Variants in CFAP47 observed in about 807,000 individuals in gnomAD.
CFAP47 encodes the protein cilia and flagella associated protein 47.
A neutral mutation model predicts 148.1 loss-of-function variants in CFAP47; 29 were observed. That is an observed-to-expected ratio of 0.20 (90% CI 0.15 to 0.27). CFAP47 has a LOEUF of 0.27. Among genes scored for constraint, CFAP47 ranks in the 10% least tolerant of loss-of-function variants. The pLI is 1.00. For synonymous variants in CFAP47, 664 were observed against 577.3 expected, an observed-to-expected ratio of 1.15 and a Z score of -2.15; for missense variants, 1,872 against 1,697.5, an observed-to-expected ratio of 1.10 and a Z score of -1.81.
At chrX:36,073,430 T>G in intron 29 of CFAP47, 66 bp downstream of exon 29, 1 of 707,011 alleles carries the variant, frequency 1.4e-6, no homozygotes, top group Non-Finnish European at 2.1e-6. Flanking sequence ...ATCTATTGAT[T>G]GAGATTATTT....
intron 22 of CFAP47, among the ~76,000 whole-genome samples, chrX:36,019,608 C>A (rs1322111589): frequency 9.0e-6 from 1 of 111,665 alleles, no homozygotes; most frequent in Non-Finnish European, 1.9e-5. Flanking sequence ...CTATAACTAT[C>A]TTTAATATTT....
intron 45 of CFAP47, among the ~76,000 whole-genome samples, chrX:36,226,734 T>A (rs974191244): frequency 9.0e-6 from 1 of 111,304 alleles, no homozygotes; most frequent in African/African-American, 3.2e-5. Flanking sequence ...GCTTTAACTT[T>A]CAGACTCAGC....
At chrX:35,985,847 C>A in intron 15 of CFAP47, 1 of 244,819 alleles carries the variant, frequency 4.1e-6, no homozygotes, top group Admixed American at 4.1e-5. Flanking sequence ...CCATGCCAAA[C>A]CCTCGGGGCT....
intron 21 of CFAP47, among the ~76,000 whole-genome samples, chrX:36,008,461 C>T (rs1430842648): frequency 9.1e-6 from 1 of 110,333 alleles, no homozygotes; most frequent in Non-Finnish European, 1.9e-5. Context: ...TCTAGAGGGT[C>T]CTTATCTGTT....
intron 39 of CFAP47, among the ~76,000 whole-genome samples, chrX:36,167,121 C>T (rs73472847): frequency 0.024 from 2,689 of 111,961 alleles, 76 homozygotes; most frequent in African/African-American, 0.081. Flanking sequence ...AGCAAACTAA[C>T]AGGCCTGTAG....
chrX:36,303,148 A>G (rs1056265678), intron 53 of CFAP47, among the ~76,000 whole-genome samples: 8 of 111,554 alleles, frequency 7.2e-5, no homozygotes, highest in Admixed American at 3.8e-4. Context: ...CCTGTAAGGG[A>G]TAATTCCTTG....
chrX:35,991,090 TTATG>T (rs2086833242), intron 16 of CFAP47, among the ~76,000 whole-genome samples: 1 of 111,656 alleles, frequency 9.0e-6, no homozygotes, highest in South Asian at 3.7e-4. Flanking sequence ...CTGGCGAATG[TTATG>T]TAATCATTGT....
At chrX:36,096,594 T>C (rs998601076) in intron 30 of CFAP47, among the ~76,000 whole-genome samples, 1 of 111,409 alleles carries the variant, frequency 9.0e-6, no homozygotes, top group Admixed American at 9.6e-5. Flanking sequence ...CATTATATAA[T>C]GACCTTCTTT....
At chrX:36,107,657 T>C (rs1237678718) in intron 33 of CFAP47, among the ~76,000 whole-genome samples, 1 of 112,056 alleles carries the variant, frequency 8.9e-6, no homozygotes. Context: ...TAAACAGTGT[T>C]CTATACAGAC....
intron 37 of CFAP47, among the ~76,000 whole-genome samples, chrX:36,154,344 A>G (rs1293312623): frequency 2.7e-5 from 3 of 111,999 alleles, no homozygotes; most frequent in Non-Finnish European, 3.8e-5. Flanking sequence ...CACAAACACC[A>G]TTTAGCCAAG....
At chrX:36,158,788 C>A (rs1939397415) in intron 37 of CFAP47, among the ~76,000 whole-genome samples, 1 of 111,331 alleles carries the variant, frequency 9.0e-6, no homozygotes, top group Non-Finnish European at 1.9e-5. Context: ...TGCATTTTTA[C>A]AGTGCATATG....
At chrX:36,295,600 A>G (rs1419282813) in intron 51 of CFAP47, among the ~76,000 whole-genome samples, 1 of 112,258 alleles carries the variant, frequency 8.9e-6, no homozygotes, top group Non-Finnish European at 1.9e-5. Flanking sequence ...TTATAAAATG[A>G]TGGATAACAT....
chrX:36,013,426 TA>T (rs1287512618), intron 21 of CFAP47, among the ~76,000 whole-genome samples: 1 of 111,942 alleles, frequency 8.9e-6, no homozygotes, highest in Non-Finnish European at 1.9e-5. Context: ...GTGCATAAAC[TA>T]AAAGTCTCTT....
intron 7 of CFAP47, among the ~76,000 whole-genome samples, chrX:35,955,270 A>C (rs1419506202): frequency 8.9e-6 from 1 of 112,008 alleles, no homozygotes; most frequent in Middle Eastern, 4.2e-3. Context: ...CAATTCCATC[A>C]TTTTGGTTGC....
At chrX:35,966,485 A>G in intron 8 of CFAP47, 80 bp from the exon 9 acceptor site, 1 of 650,369 alleles carries the variant, frequency 1.5e-6, no homozygotes, top group Non-Finnish European at 2.1e-6. Flanking sequence ...AAATTTTATT[A>G]ACTGGTTTTT....
rs928195319 is a variant in CFAP47 at position 36,138,275 on chromosome X, A to G, written c.5419-73A>G. 9 of 935,018 alleles carry G rather than the reference A, an allele frequency of 9.6e-6. No individual in the cohort carries two copies. In the African/African-American group the frequency reaches 1.9e-4, roughly 19 times the overall value. The allele number at this position is 935,018 out of a possible 1,213,427, so 77.1% of individuals were successfully genotyped here. A position where few individuals can be genotyped will look rare whatever the true frequency, so the allele number is the denominator to read the frequency against. ...TTAATATTTAAATGATTCTTTGCCT[A>G]ACTATAGAGAACACTTAAAAAACAG... On this transcript the variant is annotated intron_variant, in intron 34 of 63. Transcript: ENST00000378653.
intron 51 of CFAP47, among the ~76,000 whole-genome samples, chrX:36,294,048 A>G (rs782235425): frequency 8.9e-6 from 1 of 111,790 alleles, no homozygotes; most frequent in East Asian, 2.8e-4. Flanking sequence ...AGAGCAAGAA[A>G]CATTCTTCTA....
chrX:36,065,483 TCATTAA>T (rs1020358814), intron 26 of CFAP47, among the ~76,000 whole-genome samples, 154 bp from the exon 27 acceptor site: 1 of 112,023 alleles, frequency 8.9e-6, no homozygotes, highest in Non-Finnish European at 1.9e-5. Context: ...ATTTTAAAAA[TCATTAA>T]CATTGAGTAG....
intron 4 of CFAP47, among the ~76,000 whole-genome samples, chrX:35,949,527 G>C (rs1936133807): frequency 9.0e-6 from 1 of 111,707 alleles, no homozygotes; most frequent in African/African-American, 3.2e-5. Flanking sequence ...TTTGGTGACT[G>C]ATTGTAGCAA....
Sources: allele counts gnomAD v4.1 joint callset (sites outside exome capture counted in the v4.1 genomes callset), GRCh38; gene constraint gnomAD v4.1.1; transcripts MANE v1.5; gene names NCBI Gene and HGNC (gene_info 2026-07-23, HGNC 2026-07-21).